Variants in TBC1D10A observed in about 807,000 individuals in gnomAD.
TBC1D10A encodes the protein EBP50-PDX interactor of 64 kDa.
TBC1D10A carries 24 observed loss-of-function variants against 52.9 expected under a neutral mutation model. That is an observed-to-expected ratio of 0.45 (90% CI 0.33 to 0.64). TBC1D10A has a LOEUF of 0.64. Ranked by LOEUF, TBC1D10A falls within the 30% of genes least tolerant of loss-of-function variation. TBC1D10A has a pLI of 0.02. For missense variants in TBC1D10A, 602 were observed against 687.9 expected, an observed-to-expected ratio of 0.88 and a Z score of 1.40; for synonymous variants, 278 against 282.9, an observed-to-expected ratio of 0.98 and a Z score of 0.17.
In TBC1D10A at chr22:30,326,777, G is replaced by A. The variant is rs368710092; in HGVS notation, c.105C>T (p.Thr35=). Residue 35 remains threonine, a synonymous_variant, in exon 1 of 9, where the codon ACC becomes ACT. Coordinates refer to ENST00000215790, the MANE Select transcript of TBC1D10A (RefSeq NM_031937.3). The part of the protein sequence containing the change: ...SLAQGPDAAT[T]DELSSLGSDS... The stretch of plus-strand genomic sequence containing the variant: ...CAGACCCGAGAGAGCTGAGTTCGTC[G>A]GTGGTTGCGGCGTCGGGGCCCTGGG... The A allele has an allele frequency of 2.7e-4, 413 of 1,507,518 alleles. No individual in the cohort carries two copies. Among genetic ancestry groups the A allele is most frequent in the Non-Finnish European group, 3.3e-4 (376 of 1,125,934 alleles). The allele number at this position is 1,507,518 out of a possible 1,614,324, so 93.4% of individuals were successfully genotyped here.
At chr22:30,293,303 G>A (rs1459222385) in intron 8 of TBC1D10A, 3 of 610,548 alleles carry the variant, frequency 4.9e-6, no homozygotes, top group East Asian at 3.8e-5. Flanking sequence ...GGTCACGCAT[G>A]TTCCACCTAA....
chr22:30,294,876 G>A lies in TBC1D10A; in HGVS notation c.640-15C>T. On this transcript the variant is annotated splice_polypyrimidine_tract_variant and intron_variant, in intron 5 of 8. Transcript: ENST00000215790. ...CAGAAGGCTTGCTGTGGGCAAGAGA[G>A]ATGTGAGGCCTTGCCGTTGGGGGTT... The A allele has an allele frequency of 6.2e-7, 1 of 1,614,148 alleles. No homozygotes were observed.
Position 30,292,275 on chromosome 22 carries a change from AGGCAGCTTGGCCCTCAGAGGGTG to A in TBC1D10A, c.*77_*99del. ...CAGACTCCAGCCCAGCCCAGTGGCC[AGGCAGCTTGGCCCTCAGAGGGTG>A]GGCAGGATGTGGAATGTCAGTTCAT... is the stretch of plus-strand genomic sequence containing the variant. On this transcript the variant is annotated 3_prime_UTR_variant, in exon 9 of 9. Transcript: ENST00000215790. The A allele has an allele frequency of 9.1e-7, 1 of 1,099,098 alleles. No individual in the cohort carries two copies. The allele number at this position is 1,099,098 out of a possible 1,614,324, so 68.1% of individuals were successfully genotyped here. A position where few individuals can be genotyped will look rare whatever the true frequency, so the allele number is the denominator to read the frequency against.
chr22:30,322,851 T>G (rs1930685930), intron 1 of TBC1D10A, among the ~76,000 whole-genome samples: 1 of 150,772 alleles, frequency 6.6e-6, no homozygotes, highest in African/African-American at 2.4e-5. Flanking sequence ...TGCCTCAGCC[T>G]CCCAAAGTGC....
chr22:30,313,921 T>C (rs1054044128), intron 1 of TBC1D10A, among the ~76,000 whole-genome samples: 1 of 152,154 alleles, frequency 6.6e-6, no homozygotes, highest in East Asian at 1.9e-4. Context: ...ATCTGCTTGA[T>C]GATGGCATTT....
intron 8 of TBC1D10A, 124 bp from the exon 9 acceptor site, chr22:30,292,975 GGAAGGAT>G: frequency 9.3e-7 from 1 of 1,071,248 alleles, no homozygotes; most frequent in Non-Finnish European, 1.4e-6. Flanking sequence ...ACTGACCCCA[GGAAGGAT>G]GAGGGTCTAG....
At chr22:30,312,444 G>A (rs1051583634) in intron 1 of TBC1D10A, among the ~76,000 whole-genome samples, 5 of 152,202 alleles carry the variant, frequency 3.3e-5, no homozygotes, top group South Asian at 2.1e-4. Context: ...GATCACTTGA[G>A]CTCAGGAGTT....
Position 30,294,883 on chromosome 22 carries a change from G to A in TBC1D10A, c.640-22C>T. 2 of 1,614,122 alleles carry A rather than the reference G, an allele frequency of 1.2e-6. 1 individual carries two copies. Among genetic ancestry groups the A allele is most frequent in the South Asian group, 2.2e-5 (2 of 91,090 alleles). On this transcript the variant is annotated intron_variant, in intron 5 of 8. Transcript: ENST00000215790. ...CTTGCTGTGGGCAAGAGAGATGTGAGGCCTTGCCGTTGGGGGTTCCCCACC... is the reference window on the plus strand; with the variant it reads ...CTTGCTGTGGGCAAGAGAGATGTGAAGCCTTGCCGTTGGGGGTTCCCCACC...
intron 8 of TBC1D10A, 62 bp downstream of exon 8, chr22:30,293,589 C>A: frequency 6.4e-7 from 1 of 1,563,776 alleles, no homozygotes; most frequent in Non-Finnish European, 8.7e-7. Flanking sequence ...GCGGGACCCC[C>A]TTCAAAGGAC....
At chr22:30,299,760 A>T (rs965323507) in intron 2 of TBC1D10A, 5 of 435,984 alleles carry the variant, frequency 1.1e-5, no homozygotes, top group African/African-American at 1.0e-4. Context: ...TGAGTTCAGG[A>T]GTTTGAGACC....
intron 2 of TBC1D10A, chr22:30,300,503 T>C (rs1263934294): frequency 1.3e-5 from 2 of 149,506 alleles, no homozygotes; most frequent in Non-Finnish European, 3.0e-5. Context: ...GTGAACCCCA[T>C]AGTCTGTCAC....
In TBC1D10A at chr22:30,293,668, C is replaced by A. The variant is rs986038553; in HGVS notation, c.1033G>T (p.Ala345Ser). The change falls in exon 8 of 9, where the codon GCC (alanine) becomes TCC (serine). Residue 345 changes from alanine (A) to serine (S), a missense_variant. Physicochemically the swap from Ala to Ser is moderately conservative, Grantham distance 99. Coordinates refer to ENST00000215790, the MANE Select transcript of TBC1D10A (RefSeq NM_031937.3). ...RSLSPKIMQE[A>S]FLVQEVVELP... ...GGCTGTACCTCCTGGACCAGAAAGG[C>A]CTCCTGCATGATCTTGGGGCTGAGG... 1.2e-6 allele frequency: 2 copies of A among 1,609,766 alleles called. No individual in the cohort carries two copies. The highest frequency in any genetic ancestry group is 1.7e-5 in the Admixed American group (1 of 59,926).
chr22:30,326,607 C>A, intron 1 of TBC1D10A, 66 bp downstream of exon 1: 1 of 1,484,550 alleles, frequency 6.7e-7, no homozygotes, highest in Non-Finnish European at 9.0e-7. Context: ...CCCGAGGGCG[C>A]CTCCGTCCGT....
At chr22:30,293,831 C>A in intron 7 of TBC1D10A, 26 bp from the exon 8 acceptor site, 1 of 1,603,776 alleles carries the variant, frequency 6.2e-7, no homozygotes, top group Non-Finnish European at 8.5e-7. Flanking sequence ...GCAGTAAGTA[C>A]AAGGAAGCTT....
At chr22:30,314,618 T>C (rs1930495207) in intron 1 of TBC1D10A, among the ~76,000 whole-genome samples, 1 of 152,072 alleles carries the variant, frequency 6.6e-6, no homozygotes, top group South Asian at 2.1e-4. Flanking sequence ...GAGACCAGCC[T>C]GGGCAAGAGA....
chr22:30,325,232 C>G (rs1443187660), intron 1 of TBC1D10A, among the ~76,000 whole-genome samples: 1 of 152,228 alleles, frequency 6.6e-6, no homozygotes. Flanking sequence ...CTGGAGGAGA[C>G]AGATCCAGTG....
intron 2 of TBC1D10A, chr22:30,299,812 C>T (rs1422572645): frequency 3.3e-6 from 1 of 302,196 alleles, no homozygotes; most frequent in Non-Finnish European, 6.3e-6. Context: ...ACTAAAAATA[C>T]AAAAATTAGC....
chr22:30,324,458 C>G (rs1930724646), intron 1 of TBC1D10A, among the ~76,000 whole-genome samples: 1 of 152,166 alleles, frequency 6.6e-6, no homozygotes, highest in Non-Finnish European at 1.5e-5. Context: ...ACCTCAGCCC[C>G]AGCCCTACAG....
Position 30,292,651 on chromosome 22 carries a change from G to C in TBC1D10A, c.1251C>G (p.Pro417=). The C allele has an allele frequency of 6.2e-7, 1 of 1,611,588 alleles. No individual in the cohort carries two copies. The highest frequency in any genetic ancestry group is 8.5e-7 in the Non-Finnish European group (1 of 1,178,796). The change falls in exon 9 of 9, where the codon CCC becomes CCG. Residue 417 remains proline, a synonymous_variant. Transcript: ENST00000215790. ...SPSIRLPLDA[P]LPGSKAKPKP... ...TGGGCTTGGCTTTGGAGCCAGGGAG[G>C]GGGGCATCTAGGGGCAGGCGGATGG...
Sources: allele counts gnomAD v4.1 joint callset (sites outside exome capture counted in the v4.1 genomes callset), GRCh38; gene constraint gnomAD v4.1.1; transcripts MANE v1.5; gene names NCBI Gene and HGNC (gene_info 2026-07-23, HGNC 2026-07-21).